CUBN: variants seen among roughly 807,000 people sequenced by gnomAD.
CUBN encodes the protein 460 kDa receptor.
A neutral mutation model predicts 405.3 loss-of-function variants in CUBN; 282 were observed. The ratio of observed to expected loss-of-function variants is 0.70; its 90% confidence interval spans 0.63 to 0.77. CUBN has a LOEUF of 0.77. Ranked by LOEUF, CUBN falls within the 30% of genes least tolerant of loss-of-function variation. CUBN has a pLI of 0.00. For synonymous variants in CUBN, 1,684 were observed against 1,617.0 expected (o/e 1.04, Z -0.99); for missense variants, 4,514 against 4,475.2 (o/e 1.01, Z -0.25).
At position 16,836,365 on chromosome 10, in the gene CUBN, T is replaced by C. The variant is rs1218780404; in HGVS notation, c.10050A>G (p.Arg3350=). The part of the protein sequence containing the change: ...QDSPQGHGNS[R]FQFCGRNASA... ...AAGCATTTCTGCCACAGAACTGAAA[T>C]CTTGAATTTCCGTGACCCTGAAATG... Residue 3350 remains arginine, a synonymous_variant, in exon 63 of 67, where the codon AGA becomes AGG. Coordinates refer to ENST00000377833, the MANE Select transcript of CUBN (RefSeq NM_001081.4). The C allele has an allele frequency of 6.2e-7, 1 of 1,614,102 alleles. No individual in the cohort carries two copies.
intron 56 of CUBN, among the ~76,000 whole-genome samples, chr10:16,877,615 T>C (rs1438974820): frequency 6.6e-6 from 1 of 152,220 alleles, no homozygotes; most frequent in Non-Finnish European, 1.5e-5. Context: ...GATAAGGGAC[T>C]CCTATCATGG....
Position 16,828,795 on chromosome 10 carries a change from T to G in CUBN, c.10764+10A>C. 1 of 1,583,574 alleles carries G rather than the reference T, an allele frequency of 6.3e-7. No individual in the cohort carries two copies. Among genetic ancestry groups the G allele is most frequent in the Non-Finnish European group, 8.7e-7 (1 of 1,152,354 alleles). ...AACAAATGGGAATATAAAATGTTTG[T>G]TTTACTCACGCCTCCGCAGTATGGT... On this transcript the variant is annotated intron_variant, in intron 66 of 66. Coordinates refer to ENST00000377833, the MANE Select transcript of CUBN (RefSeq NM_001081.4).
At chr10:16,862,421 T>C (rs777706989) in intron 59 of CUBN, among the ~76,000 whole-genome samples, 86 of 152,252 alleles carry the variant, frequency 5.6e-4, no homozygotes, top group Non-Finnish European at 8.4e-4. Context: ...GATAAAGTAA[T>C]ATACATCAAG....
chr10:16,858,590 G>A (rs149951100), intron 59 of CUBN, among the ~76,000 whole-genome samples: 36 of 152,300 alleles, frequency 2.4e-4, no homozygotes, highest in African/African-American at 7.2e-4. Flanking sequence ...CCAAAGCTCC[G>A]GGATTACAGG....
At chr10:16,978,462 C>G (rs1466265114) in intron 31 of CUBN, among the ~76,000 whole-genome samples, 1 of 152,206 alleles carries the variant, frequency 6.6e-6, no homozygotes, top group Non-Finnish European at 1.5e-5. Flanking sequence ...GCTTAGCCAA[C>G]TTAGACTCTG....
chr10:16,892,359 C>T (rs1201786482), intron 54 of CUBN, among the ~76,000 whole-genome samples: 3 of 152,090 alleles, frequency 2.0e-5, no homozygotes, highest in African/African-American at 4.8e-5. Context: ...TGCACCTACT[C>T]AATTTTACTT....
intron 29 of CUBN, among the ~76,000 whole-genome samples, chr10:16,988,876 A>G (rs997888760): frequency 6.6e-6 from 1 of 152,136 alleles, no homozygotes; most frequent in African/African-American, 2.4e-5. Flanking sequence ...GTTAGTTTTG[A>G]CCACTGTAAA....
At chr10:16,829,148 G>A in intron 65 of CUBN, 108 bp from the exon 66 acceptor site, 1 of 789,042 alleles carries the variant, frequency 1.3e-6, no homozygotes, top group Non-Finnish European at 2.2e-6. Flanking sequence ...GACTCTGCAA[G>A]AATAATGGAG....
At chr10:16,865,176 G>C (rs375659136) in intron 59 of CUBN, among the ~76,000 whole-genome samples, 30 of 151,364 alleles carry the variant, frequency 2.0e-4, no homozygotes, top group Non-Finnish European at 3.8e-4. Flanking sequence ...CACCATGTAG[G>C]CCAGGCTGGT....
At chr10:17,100,998 C>A (rs564654778) in intron 13 of CUBN, among the ~76,000 whole-genome samples, 1 of 152,248 alleles carries the variant, frequency 6.6e-6, no homozygotes, top group South Asian at 2.1e-4. Context: ...GTACTGACAA[C>A]CTCATTTGAG....
At chr10:16,916,783 C>T (rs987070761) in intron 45 of CUBN, among the ~76,000 whole-genome samples, 2 of 151,472 alleles carry the variant, frequency 1.3e-5, no homozygotes, top group African/African-American at 4.9e-5. Flanking sequence ...GCTGAAGAGG[C>T]ATATTTGCTT....
chr10:17,026,260 G>T (rs1280676794), intron 27 of CUBN, among the ~76,000 whole-genome samples: 1 of 152,202 alleles, frequency 6.6e-6, no homozygotes, highest in Non-Finnish European at 1.5e-5. Flanking sequence ...GAAAAACTTG[G>T]AACTTTATCC....
intron 22 of CUBN, among the ~76,000 whole-genome samples, chr10:17,061,415 C>T (rs1051354647): frequency 3.3e-5 from 5 of 152,102 alleles, no homozygotes; most frequent in African/African-American, 1.2e-4. Flanking sequence ...CAAGAAAATC[C>T]CCCATCTCAA....
chr10:17,084,456 G>C lies in CUBN; in HGVS notation c.2116C>G (p.Leu706Val), dbSNP rs768591875. 1 of 1,612,972 alleles carries C rather than the reference G, an allele frequency of 6.2e-7. No individual in the cohort carries two copies. The highest frequency in any genetic ancestry group is 1.7e-5 in the Admixed American group (1 of 59,918). Residue 706 changes from leucine to valine, a missense_variant, in exon 17 of 67, where the codon CTG becomes GTG. This residue lies in a region of CUBN where 1,448 missense variants were observed against 1,388.0 expected (regional missense o/e 1.04). Transcript: ENST00000377833. The part of the protein sequence containing the change: ...HITYLTSPSD[L>V]RCGGNYTDPE... Reference sequence around the variant, plus strand: ...TCCGTGTAGTTCCCACCACAACGCAGATCCGCTAAGAACAGGGAAGAGACG... The same window carrying C: ...TCCGTGTAGTTCCCACCACAACGCACATCCGCTAAGAACAGGGAAGAGACG...
chr10:17,119,166 A>T (rs1207943543), intron 6 of CUBN, among the ~76,000 whole-genome samples: 3 of 152,230 alleles, frequency 2.0e-5, no homozygotes, highest in South Asian at 4.1e-4. Context: ...CATTGTTTAA[A>T]CTCTGCATGA....
chr10:16,946,391 G>A (rs1208596785), intron 36 of CUBN, among the ~76,000 whole-genome samples: 2 of 150,562 alleles, frequency 1.3e-5, no homozygotes, highest in Non-Finnish European at 2.9e-5. Context: ...TTCAAAAAGT[G>A]TTATAGTGCA....
At chr10:16,830,682 A>C (rs1167751572) in intron 65 of CUBN, among the ~76,000 whole-genome samples, 1 of 152,246 alleles carries the variant, frequency 6.6e-6, no homozygotes, top group Non-Finnish European at 1.5e-5. Flanking sequence ...CCAAAAGTCA[A>C]AAAGTCTAAC....
At chr10:16,916,988 A>G (rs1342876174) in intron 45 of CUBN, among the ~76,000 whole-genome samples, 1 of 151,512 alleles carries the variant, frequency 6.6e-6, no homozygotes, top group East Asian at 1.9e-4. Flanking sequence ...TAATTTTTGT[A>G]TTTTTAGTGG....
Position 16,869,753 on chromosome 10 carries a change from A to C in CUBN, c.9337T>G (p.Cys3113Gly). The part of the protein sequence containing the change: ...NTSDPLLGKF[C>G]GSKRPPNVKS... ...ACATTTGGTGGGCGCTTGGAACCGCAGAATTTGCCAAGAAGGGGATCGCTG... is the reference window on the plus strand; with the variant it reads ...ACATTTGGTGGGCGCTTGGAACCGCCGAATTTGCCAAGAAGGGGATCGCTG... Residue 3113 changes from cysteine to glycine, a missense_variant, in exon 59 of 67, where the codon TGC (cysteine) becomes GGC (glycine). Physicochemically the swap from Cys to Gly is radical, Grantham distance 159 (BLOSUM62 -3). Coordinates refer to ENST00000377833, the MANE Select transcript of CUBN (RefSeq NM_001081.4). The C allele has an allele frequency of 6.2e-7, 1 of 1,614,154 alleles. No individual in the cohort carries two copies. Among genetic ancestry groups the C allele is most frequent in the Non-Finnish European group, 8.5e-7 (1 of 1,179,990 alleles).
Sources: allele counts gnomAD v4.1 joint callset (sites outside exome capture counted in the v4.1 genomes callset), GRCh38; gene constraint gnomAD v4.1.1; regional missense constraint gnomAD v4.1.1; transcripts MANE v1.5; gene names NCBI Gene and HGNC (gene_info 2026-07-23, HGNC 2026-07-21).